Variants in GBF1 observed in about 807,000 individuals in gnomAD.
GBF1 encodes the protein Golgi-specific brefeldin A-resistance guanine nucleotide exchange factor 1.
Under a neutral mutation model 210.5 loss-of-function variants are expected in GBF1, and 114 were observed. That is an observed-to-expected ratio of 0.54 (90% CI 0.47 to 0.63). The LOEUF is 0.63. Ranked by LOEUF, GBF1 falls within the 30% of genes least tolerant of loss-of-function variation. GBF1 has a pLI of 0.00. For missense variants in GBF1, 1,851 were observed against 2,357.7 expected, an observed-to-expected ratio of 0.79 and a Z score of 4.45; for synonymous variants, 850 against 889.2, an observed-to-expected ratio of 0.96 and a Z score of 0.78.
rs199716243 is a variant in GBF1, at chr10:102,361,011, C to G, written c.1393-11C>G. 1.5e-5 allele frequency: 20 copies of G among 1,346,416 alleles called. No individual in the cohort carries two copies. In the African/African-American group the frequency reaches 2.0e-4, roughly 14 times the overall value. The allele number at this position is 1,346,416 out of a possible 1,614,324, so 83.4% of individuals were successfully genotyped here. A position where few individuals can be genotyped will look rare whatever the true frequency, so the allele number is the denominator to read the frequency against. On this transcript the variant is annotated splice_polypyrimidine_tract_variant and intron_variant, in intron 12 of 39. Transcript: ENST00000369983. ...AAAAAAACTCATGGCCTACCCTGCT[C>G]TCATCTCCAGCTACTCAGCATAGAG...
chr10:102,348,746 T>C (rs1425406508), intron 4 of GBF1, among the ~76,000 whole-genome samples: 1 of 152,198 alleles, frequency 6.6e-6, no homozygotes, highest in East Asian at 1.9e-4. Context: ...AGAAGGACAC[T>C]GTAAATAGGA....
intron 3 of GBF1, among the ~76,000 whole-genome samples, chr10:102,276,227 A>G (rs1351632408): frequency 7.7e-6 from 1 of 130,354 alleles, no homozygotes; most frequent in Non-Finnish European, 1.6e-5. Context: ...ACAGAGGGAG[A>G]CTCCATCTCC....
chr10:102,364,701 T>C (rs2059814207), intron 17 of GBF1, among the ~76,000 whole-genome samples: 2 of 151,624 alleles, frequency 1.3e-5, no homozygotes, highest in African/African-American at 4.8e-5. Context: ...ATACAAAAAT[T>C]AGCTGGGCAT....
At chr10:102,251,257 A>G (rs2071492759) in intron 1 of GBF1, among the ~76,000 whole-genome samples, 1 of 152,192 alleles carries the variant, frequency 6.6e-6, no homozygotes, top group Non-Finnish European at 1.5e-5. Context: ...CTGGTAGAGA[A>G]GCAAATATAT....
At chr10:102,377,596 G>A (rs1311998653) in intron 33 of GBF1, among the ~76,000 whole-genome samples, 1 of 151,974 alleles carries the variant, frequency 6.6e-6, no homozygotes, top group Non-Finnish European at 1.5e-5. Flanking sequence ...CTCGTGATCC[G>A]CCTGCCTCGG....
chr10:102,360,695 G>A (rs1260786444), intron 12 of GBF1, among the ~76,000 whole-genome samples: 1 of 152,110 alleles, frequency 6.6e-6, no homozygotes, highest in East Asian at 1.9e-4. Context: ...CCTCACAGCC[G>A]GGCTGGGTGC....
At chr10:102,261,157 C>G (rs2073155576) in intron 3 of GBF1, among the ~76,000 whole-genome samples, 1 of 152,022 alleles carries the variant, frequency 6.6e-6, no homozygotes, top group African/African-American at 2.4e-5. Flanking sequence ...GCCTCTGTTG[C>G]CTGGTTTAGG....
chr10:102,273,932 T>C (rs2074671578), intron 3 of GBF1, among the ~76,000 whole-genome samples: 1 of 152,232 alleles, frequency 6.6e-6, no homozygotes, highest in Admixed American at 6.5e-5. Context: ...TTTAGACATA[T>C]CATGTTAGAC....
At position 102,359,403 on chromosome 10, in the gene GBF1, G is replaced by T; in HGVS notation, c.1148G>T (p.Gly383Val). The stretch of plus-strand genomic sequence containing the variant: ...GACATGGATTACGTCAATCCCCGGG[G>T]CGTGCGCTTTACACAGTCCTCCCAG... Reference protein sequence around the residue: ...VHDMDYVNPRGVRFTQSSQKE... With the variant: ...VHDMDYVNPRVVRFTQSSQKE... The change falls in exon 11 of 40, where the codon GGC becomes GTC. Residue 383 changes from glycine to valine, a missense_variant. Coordinates refer to ENST00000369983, the MANE Select transcript of GBF1 (RefSeq NM_001377137.1). The T allele has an allele frequency of 6.2e-7, 1 of 1,613,918 alleles. No individual in the cohort carries two copies. Among genetic ancestry groups the T allele is most frequent in the Non-Finnish European group, 8.5e-7 (1 of 1,179,866 alleles).
intron 39 of GBF1, 89 bp from the exon 40 acceptor site, chr10:102,381,967 G>A: frequency 8.6e-7 from 1 of 1,166,332 alleles, no homozygotes; most frequent in Non-Finnish European, 1.2e-6. Context: ...AGGAGGAACA[G>A]AGACTCTATA....
Position 102,375,583 on chromosome 10 carries a change from C to T in GBF1, c.3885C>T (p.Ala1295=), listed in dbSNP as rs773238749. The stretch of plus-strand genomic sequence containing the variant: ...CAGCCAGGGCAGATGCACCTGATGC[C>T]GGTAAGCCCTTTCCCAGGGAGACTC... The part of the protein sequence containing the change: ...QATARADAPD[A]GAQSDSELPS... Residue 1295 remains alanine, a splice_region_variant and synonymous_variant, in exon 30 of 40, where the codon GCC becomes GCT. Transcript: ENST00000369983. 8.1e-6 allele frequency: 13 copies of T among 1,599,982 alleles called. No individual in the cohort carries two copies. Among genetic ancestry groups the T allele is most frequent in the African/African-American group, 4.0e-5 (3 of 74,646 alleles).
upstream of GBF1, among the ~76,000 whole-genome samples, chr10:102,242,121 C>G (rs1279637544): frequency 6.6e-6 from 1 of 152,232 alleles, no homozygotes; most frequent in Non-Finnish European, 1.5e-5. Flanking sequence ...TTCTCTTTCT[C>G]TCTGCTCCTC....
intron 8 of GBF1, among the ~76,000 whole-genome samples, chr10:102,354,023 T>C (rs1036676871): frequency 6.6e-6 from 1 of 152,184 alleles, no homozygotes; most frequent in Non-Finnish European, 1.5e-5. Context: ...TCCCAAATCC[T>C]ACCTCAATGC....
rs1309366788 is a variant in GBF1, at chr10:102,368,742, G to A, written c.2883G>A (p.Lys961=). The A allele has an allele frequency of 1.2e-6, 2 of 1,610,386 alleles. No homozygotes were observed. Among genetic ancestry groups the A allele is most frequent in the Admixed American group, 1.7e-5 (1 of 60,006 alleles). The change falls in exon 23 of 40, where the codon AAG becomes AAA. Residue 961 remains lysine (K), a synonymous_variant. Transcript: ENST00000369983. ...IIQKAISGFR[K]CAMISAHYGL... ...GGGATGGGGGGTAACATTACAGGAA[G>A]TGCGCCATGATCTCCGCCCACTATG...
chr10:102,256,664 C>T (rs757930842), intron 1 of GBF1, among the ~76,000 whole-genome samples: 3 of 151,712 alleles, frequency 2.0e-5, no homozygotes, highest in South Asian at 2.1e-4. Context: ...GGATTACAGG[C>T]GCCCTCCACC....
chr10:102,236,591 CAT>C, the GBF1 span, among the ~76,000 whole-genome samples: 3 of 152,102 alleles, frequency 2.0e-5, no homozygotes, highest in Non-Finnish European at 4.4e-5. Flanking sequence ...ATATCCAGGA[CAT>C]ATGAAGGTGG....
chr10:102,258,730 C>A (rs975944400), intron 1 of GBF1, among the ~76,000 whole-genome samples, 199 bp from the exon 2 acceptor site: 1 of 148,058 alleles, frequency 6.8e-6, no homozygotes, highest in African/African-American at 2.5e-5. Flanking sequence ...GCCAGGATCA[C>A]GCCATTGCAC....
rs773391683 is a variant in GBF1 at position 102,381,224 on chromosome 10, C to T, written c.5271C>T (p.Pro1757=). The T allele has an allele frequency of 1.9e-6, 3 of 1,613,910 alleles. No individual in the cohort carries two copies. The highest frequency in any genetic ancestry group is 2.5e-6 in the Non-Finnish European group (3 of 1,179,976). ...GDTRTPGHPP[P]PEIPSELGAC... ...CTAGGACACCTGGCCATCCACCGCC[C>T]CCAGAGATTCCATCTGAGCTGGGGG... The change falls in exon 39 of 40, where the codon CCC becomes CCT. Residue 1757 remains proline (P), a synonymous_variant. Transcript: ENST00000369983.
intron 3 of GBF1, among the ~76,000 whole-genome samples, chr10:102,341,254 C>G (rs1309443607): frequency 6.6e-6 from 1 of 152,136 alleles, no homozygotes; most frequent in Non-Finnish European, 1.5e-5. Context: ...CCACATGGAG[C>G]TACTATTACA....
Sources: gnomAD v4.1 joint callset for allele counts (sites outside exome capture counted in the v4.1 genomes callset) on GRCh38, gnomAD v4.1.1 for gene constraint, MANE v1.5 for transcripts, NCBI Gene and HGNC (gene_info 2026-07-23, HGNC 2026-07-21) for gene names.